PREP: variants seen among roughly 807,000 people sequenced by gnomAD.
The protein encoded by PREP is dJ355L5.1 (prolyl endopeptidase).
A neutral mutation model predicts 87.6 loss-of-function variants in PREP; 29 were observed. The ratio of observed to expected loss-of-function variants is 0.33; its 90% CI spans 0.25 to 0.45. The LOEUF is 0.45. Among genes scored for constraint, PREP ranks in the 20% least tolerant of loss-of-function variants. PREP has a pLI of 1.00. For missense variants in PREP, 695 were observed against 886.5 expected, an observed-to-expected ratio of 0.78 and a Z score of 2.74; for synonymous variants, 337 against 328.6, an observed-to-expected ratio of 1.03 and a Z score of -0.28.
At chr6:105,345,700 T>G (rs1367438738) in intron 7 of PREP, among the ~76,000 whole-genome samples, 1 of 152,228 alleles carries the variant, frequency 6.6e-6, no homozygotes, top group Non-Finnish European at 1.5e-5. Flanking sequence ...TGTCTCAGTC[T>G]GCCACATGAT....
At chr6:105,328,601 G>C (rs1334501548) in intron 9 of PREP, among the ~76,000 whole-genome samples, 1 of 152,134 alleles carries the variant, frequency 6.6e-6, no homozygotes, top group Non-Finnish European at 1.5e-5. Context: ...CCTGCCTCCA[G>C]AGGAACAGAG....
At chr6:105,284,946 C>T (rs1480099201) in intron 12 of PREP, among the ~76,000 whole-genome samples, 2 of 152,174 alleles carry the variant, frequency 1.3e-5, no homozygotes, top group South Asian at 2.1e-4. Flanking sequence ...AACTAATGCA[C>T]GACAGAGTCA....
intron 9 of PREP, among the ~76,000 whole-genome samples, chr6:105,324,741 T>C (rs535318742): frequency 3.7e-4 from 57 of 152,340 alleles, no homozygotes; most frequent in Non-Finnish European, 6.8e-4. Flanking sequence ...AGTCCTTTCT[T>C]TCTTCTCGAC....
At chr6:105,373,796 A>G (rs557342952) in intron 4 of PREP, among the ~76,000 whole-genome samples, 28 of 152,342 alleles carry the variant, frequency 1.8e-4, no homozygotes, top group African/African-American at 6.3e-4. Context: ...CCAGGTCTTA[A>G]TTTGTCTATA....
In PREP at chr6:105,367,315, T is replaced by G. The variant is rs572987899; in HGVS notation, c.717+1588A>C. Among the ~76,000 whole-genome samples, 8 of 151,880 alleles carry G rather than the reference T, an allele frequency of 5.3e-5. No individual in the cohort carries two copies. In the East Asian group the frequency reaches 1.2e-3, roughly 22 times the overall value. On this transcript the variant is annotated intron_variant, in intron 6 of 14. Coordinates refer to ENST00000652536, the MANE Select transcript of PREP (RefSeq NM_002726.5). Reference sequence around the variant, plus strand: ...TTGGCAGAAACAGTCTCCAAATAGATCTCAGAAAAGCCATTAAAAACAAAT... The same window carrying G: ...TTGGCAGAAACAGTCTCCAAATAGAGCTCAGAAAAGCCATTAAAAACAAAT...
chr6:105,302,832 A>T (rs756508726), intron 10 of PREP: 1 of 379,050 alleles, frequency 2.6e-6, no homozygotes, highest in African/African-American at 2.1e-5. Flanking sequence ...ATTGCTGCAC[A>T]GGCCGCCCCC....
chr6:105,304,324 C>T (rs764490445), intron 10 of PREP, among the ~76,000 whole-genome samples: 8 of 152,208 alleles, frequency 5.3e-5, no homozygotes, highest in Non-Finnish European at 8.8e-5. Context: ...TCGGTATCCA[C>T]AGGGTGTCCT....
At chr6:105,382,473 T>C (rs1385800063) in intron 2 of PREP, among the ~76,000 whole-genome samples, 1 of 152,190 alleles carries the variant, frequency 6.6e-6, no homozygotes, top group Non-Finnish European at 1.5e-5. Context: ...GCTCACTTAC[T>C]GATTGCCTTA....
chr6:105,311,681 T>C (rs185686928), intron 10 of PREP, among the ~76,000 whole-genome samples: 22 of 152,356 alleles, frequency 1.4e-4, no homozygotes, highest in African/African-American at 5.0e-4. Flanking sequence ...CGCTGCTACA[T>C]TCCCAGTGTT....
At chr6:105,346,671 C>G (rs550837557) in intron 7 of PREP, among the ~76,000 whole-genome samples, 1 of 152,316 alleles carries the variant, frequency 6.6e-6, no homozygotes, top group Non-Finnish European at 1.5e-5. Flanking sequence ...GAGAAAAGAC[C>G]GCTCTAGGCC....
rs1376270850 is a variant in PREP, at chr6:105,275,519, T to C, written c.*2625A>G. ...TGCAACATGTACAACTTTTTCTTTT[T>C]CAAAACAGTCCTAAAAAAACTAAAC... On this transcript the variant is annotated 3_prime_UTR_variant, in exon 15 of 15. Coordinates refer to ENST00000652536, the MANE Select transcript of PREP (RefSeq NM_002726.5). 1.3e-5 allele frequency among the ~76,000 whole-genome samples: 2 copies of C among 152,176 alleles called. No individual in the cohort carries two copies. The highest frequency in any genetic ancestry group is 4.8e-5 in the African/African-American group (2 of 41,446).
intron 2 of PREP, among the ~76,000 whole-genome samples, chr6:105,390,681 G>A (rs1376190964): frequency 2.0e-5 from 3 of 152,210 alleles, no homozygotes; most frequent in South Asian, 4.1e-4. Flanking sequence ...GATGGAGTAA[G>A]ATGGGGAGAC....
chr6:105,362,015 T>A (rs1772259266), intron 6 of PREP, among the ~76,000 whole-genome samples: 1 of 152,228 alleles, frequency 6.6e-6, no homozygotes. Context: ...GTGTGTTGTG[T>A]TGCTCGGTAT....
intron 7 of PREP, among the ~76,000 whole-genome samples, chr6:105,343,169 C>T (rs1178645552): frequency 4.6e-5 from 7 of 152,086 alleles, no homozygotes; most frequent in Admixed American, 1.3e-4. Context: ...GTACTGGTAC[C>T]CAAACAGAGA....
At chr6:105,383,495 C>T (rs117269303) in intron 2 of PREP, among the ~76,000 whole-genome samples, 1,721 of 152,220 alleles carry the variant, frequency 0.011, 20 homozygotes, top group Middle Eastern at 0.051. Flanking sequence ...TCAGTGAGAG[C>T]CCAAAATCTT....
chr6:105,288,968 T>C (rs565748242), intron 10 of PREP, 74 bp from the exon 11 acceptor site: 42 of 1,435,496 alleles, frequency 2.9e-5, no homozygotes, highest in Non-Finnish European at 3.7e-5. Context: ...ATGGGAAAAA[T>C]AGTAAATTCT....
chr6:105,306,909 A>G (rs1770668941), intron 10 of PREP, among the ~76,000 whole-genome samples: 1 of 152,206 alleles, frequency 6.6e-6, no homozygotes, highest in Non-Finnish European at 1.5e-5. Context: ...GGCTCCAACC[A>G]GGCTACTTGC....
chr6:105,401,226 C>G (rs1036418228), intron 1 of PREP, among the ~76,000 whole-genome samples: 20 of 152,242 alleles, frequency 1.3e-4, no homozygotes, highest in African/African-American at 4.8e-4. Flanking sequence ...TAGGCACCCA[C>G]AGTGGTGAAA....
At chr6:105,279,319 A>G (rs1455747271) in intron 14 of PREP, among the ~76,000 whole-genome samples, 1 of 152,122 alleles carries the variant, frequency 6.6e-6, no homozygotes, top group South Asian at 2.1e-4. Context: ...TGAGGCCAAA[A>G]CATTCTTGGG....
Sources: allele counts gnomAD v4.1 joint callset (sites outside exome capture counted in the v4.1 genomes callset), GRCh38; gene constraint gnomAD v4.1.1; transcripts MANE v1.5; gene names NCBI Gene and HGNC (gene_info 2026-07-23, HGNC 2026-07-21).